The following TTC7B variants were observed in gnomAD, a reference collection of about 807,000 sequenced individuals.
TTC7B encodes the protein tetratricopeptide repeat protein 7B.
Under a neutral mutation model 106.8 loss-of-function variants are expected in TTC7B, and 28 were observed. That is an observed-to-expected ratio of 0.26 (90% CI 0.19 to 0.36). The LOEUF is 0.36. Among genes scored for constraint, TTC7B ranks in the 10% least tolerant of loss-of-function variants. The pLI is 1.00. For synonymous variants in TTC7B, 405 were observed against 430.6 expected, an observed-to-expected ratio of 0.94 and a Z score of 0.74; for missense variants, 862 against 1,076.4, an observed-to-expected ratio of 0.80 and a Z score of 2.79.
chr14:90,565,581 T>C (rs1486058293), intron 19 of TTC7B, among the ~76,000 whole-genome samples: 1 of 152,038 alleles, frequency 6.6e-6, no homozygotes, highest in Non-Finnish European at 1.5e-5. Context: ...TTTGTATTTT[T>C]AGTAGAGATG....
chr14:90,782,225 G>C (rs1891244654), intron 2 of TTC7B, among the ~76,000 whole-genome samples: 1 of 152,142 alleles, frequency 6.6e-6, no homozygotes, highest in African/African-American at 2.4e-5. Flanking sequence ...AGTGTTTATG[G>C]GTGGCCCAAG....
In TTC7B at chr14:90,802,246, T is replaced by C. The variant is rs1432346085; in HGVS notation, c.121+13929A>G. On this transcript the variant is annotated intron_variant, in intron 1 of 19. Transcript: ENST00000328459. This position sits in a 1 kb window ranked among gnomAD's most constrained non-coding sequence, Gnocchi z 4.7. ...GGACTGAGGGTTTGCTAGGGAAGGG[T>C]TTGCAGGGGGCTGGGCCAGTCCTTA... Among the ~76,000 whole-genome samples, 1 of 151,824 alleles carries C rather than the reference T, an allele frequency of 6.6e-6. No individual in the cohort carries two copies. Among genetic ancestry groups the C allele is most frequent in the African/African-American group, 2.4e-5 (1 of 41,324 alleles).
rs1026913412 is a variant in TTC7B at position 90,537,549 on chromosome 14, C to G, written c.*3819G>C. The G allele has an allele frequency of 6.6e-6, 1 of 152,208 alleles. No homozygotes were observed. Among genetic ancestry groups the G allele is most frequent in the South Asian group, 2.1e-4 (1 of 4,824 alleles). The allele number at this position is 152,208 out of a possible 1,614,324, so 9.4% of individuals were successfully genotyped here. On this transcript the variant is annotated 3_prime_UTR_variant, in exon 20 of 20. Coordinates refer to ENST00000328459, the MANE Select transcript of TTC7B (RefSeq NM_001010854.2). ...TAATATACACTGTTAGCATGGTCCACGAGGCCGCACCTGTGTGGCCCCTGT... is the reference window on the plus strand; with the variant it reads ...TAATATACACTGTTAGCATGGTCCAGGAGGCCGCACCTGTGTGGCCCCTGT...
intron 5 of TTC7B, chr14:90,697,838 C>A (rs565050972): frequency 4.6e-5 from 7 of 152,346 alleles, no homozygotes; most frequent in South Asian, 2.1e-4. Flanking sequence ...CCACTGGGTG[C>A]GTATTCCCAA....
rs999047647 is a variant in TTC7B at position 90,539,503 on chromosome 14, A to C, written c.*1865T>G. On this transcript the variant is annotated 3_prime_UTR_variant, in exon 20 of 20. Coordinates refer to ENST00000328459, the MANE Select transcript of TTC7B (RefSeq NM_001010854.2). ...CCATGACTTATGACCACTCAAAGCC[A>C]CAAGTGCTGCCTGGCAGGGTCAGTG... 1 of 152,394 alleles carries C rather than the reference A, an allele frequency of 6.6e-6. No homozygotes were observed. The highest frequency in any genetic ancestry group is 1.5e-5 in the Non-Finnish European group (1 of 68,148). The allele number at this position is 152,394 out of a possible 1,614,324, so 9.4% of individuals were successfully genotyped here.
intron 5 of TTC7B, among the ~76,000 whole-genome samples, chr14:90,717,907 T>TGTATCTGGATGTATTTA (rs1226460182): frequency 2.0e-5 from 3 of 152,334 alleles, no homozygotes; most frequent in African/African-American, 7.2e-5. Flanking sequence ...GGACCCCCTC[T>TGTATCTGGATGTATTTA]GTGATGCAGA....
At position 90,532,960 on chromosome 14, in the gene TTC7B, T is replaced by A. The variant is rs531861893; in HGVS notation, c.*8408A>T. The A allele has an allele frequency of 6.6e-6, 1 of 152,280 alleles. No homozygotes were observed. The highest frequency in any genetic ancestry group is 2.1e-4 in the South Asian group (1 of 4,812). The allele number at this position is 152,280 out of a possible 1,614,324, so 9.4% of individuals were successfully genotyped here. A position where few individuals can be genotyped will look rare whatever the true frequency, so the allele number is the denominator to read the frequency against. On this transcript the variant is annotated 3_prime_UTR_variant, in exon 20 of 20. Transcript: ENST00000328459. Reference sequence around the variant, plus strand: ...GCCCGGGGGAGGAGCCATGCAGGGGTAGGGCTGGGCTGTGCTCGGCCATGT... The same window carrying A: ...GCCCGGGGGAGGAGCCATGCAGGGGAAGGGCTGGGCTGTGCTCGGCCATGT...
intron 13 of TTC7B, among the ~76,000 whole-genome samples, chr14:90,650,089 A>G (rs957236005): frequency 2.0e-5 from 3 of 152,212 alleles, no homozygotes; most frequent in Non-Finnish European, 4.4e-5. Flanking sequence ...TCCATTTCCA[A>G]CATTCTCTAG....
At chr14:90,749,582 T>G (rs1890076492) in intron 3 of TTC7B, among the ~76,000 whole-genome samples, 1 of 152,012 alleles carries the variant, frequency 6.6e-6, no homozygotes, top group African/African-American at 2.4e-5. Flanking sequence ...ATTTTGTATT[T>G]TTAGCAGAGA....
At chr14:90,590,960 C>T (rs1176827719) in intron 18 of TTC7B, among the ~76,000 whole-genome samples, 1 of 152,180 alleles carries the variant, frequency 6.6e-6, no homozygotes, top group African/African-American at 2.4e-5. Context: ...AAGCCACACC[C>T]ATTTGCTAGG....
chr14:90,719,340 C>A (rs1354769391), intron 5 of TTC7B, among the ~76,000 whole-genome samples: 1 of 152,118 alleles, frequency 6.6e-6, no homozygotes. Context: ...CCCTAGAAAG[C>A]CTAAAAAGAT....
chr14:90,695,227 T>G (rs1483715785), intron 6 of TTC7B, among the ~76,000 whole-genome samples: 1 of 140,574 alleles, frequency 7.1e-6, no homozygotes, highest in Non-Finnish European at 1.5e-5. Context: ...ATATACATTT[T>G]ATTATAAAAC....
chr14:90,649,084 C>T (rs1435900258), intron 13 of TTC7B, among the ~76,000 whole-genome samples: 1 of 152,230 alleles, frequency 6.6e-6, no homozygotes. Flanking sequence ...CTGTTAACCA[C>T]AGCACCGTGA....
chr14:90,794,461 C>T (rs1218392777), intron 1 of TTC7B, among the ~76,000 whole-genome samples: 3 of 150,930 alleles, frequency 2.0e-5, no homozygotes, highest in Non-Finnish European at 4.4e-5. Context: ...CTCTTCACCT[C>T]GTGATCCACC....
chr14:90,743,065 A>G (rs1013979518), intron 4 of TTC7B, among the ~76,000 whole-genome samples: 1 of 152,260 alleles, frequency 6.6e-6, no homozygotes, highest in Non-Finnish European at 1.5e-5. Context: ...AGGTTTTTAA[A>G]GGAGCCTGGA....
intron 15 of TTC7B, among the ~76,000 whole-genome samples, chr14:90,626,676 C>T (rs75007577): frequency 6.6e-6 from 1 of 152,182 alleles, no homozygotes; most frequent in Non-Finnish European, 1.5e-5. Context: ...TGGCCTGACA[C>T]AACCCTGCTA....
chr14:90,756,117 A>G (rs1890284999), intron 3 of TTC7B, among the ~76,000 whole-genome samples: 1 of 152,164 alleles, frequency 6.6e-6, no homozygotes, highest in Non-Finnish European at 1.5e-5. Context: ...CTTCCTAAGA[A>G]GAGGGGACTC....
At chr14:90,711,821 T>C (rs1782550731) in intron 5 of TTC7B, among the ~76,000 whole-genome samples, 2 of 151,432 alleles carry the variant, frequency 1.3e-5, no homozygotes, top group South Asian at 4.2e-4. Flanking sequence ...TTAAAAAGGG[T>C]AGAAAGGAGG....
chr14:90,637,091 A>C (rs1884977560), intron 15 of TTC7B, among the ~76,000 whole-genome samples: 1 of 152,050 alleles, frequency 6.6e-6, no homozygotes, highest in Non-Finnish European at 1.5e-5. Flanking sequence ...GTTGACAAAA[A>C]AGTTACTGGT....
Sources: allele counts gnomAD v4.1 joint callset (sites outside exome capture counted in the v4.1 genomes callset), GRCh38; gene constraint gnomAD v4.1.1; non-coding constraint Gnocchi (gnomAD v3.1); transcripts MANE v1.5; gene names NCBI Gene and HGNC (gene_info 2026-07-23, HGNC 2026-07-21).